Variants in TAFA1 observed in about 807,000 individuals in gnomAD.
TAFA1 encodes the protein chemokine-like protein TAFA-1.
In TAFA1, 4 loss-of-function variants were observed where a neutral mutation model predicts 18.5. The observed-to-expected ratio is 0.22, with a 90% CI of 0.11 to 0.49. The LOEUF (loss-of-function observed/expected upper bound fraction) is 0.49, where lower values mean the gene tolerates loss of function less well. Among genes scored for constraint, TAFA1 ranks in the 20% least tolerant of loss-of-function variants. The pLI is 0.98. For synonymous variants in TAFA1, 56 were observed against 55.2 expected (o/e 1.01, Z -0.06); for missense variants, 147 against 169.0 (o/e 0.87, Z 0.72).
chr3:68,521,102 G>T (rs890314212), intron 3 of TAFA1, among the ~76,000 whole-genome samples: 1 of 152,322 alleles, frequency 6.6e-6, no homozygotes, highest in Middle Eastern at 3.4e-3. Context: ...TTCCTGAACT[G>T]TCTTTTATGA....
chr3:68,292,632 T>C (rs1044313304), intron 2 of TAFA1, among the ~76,000 whole-genome samples: 6 of 152,134 alleles, frequency 3.9e-5, no homozygotes, highest in African/African-American at 7.2e-5. Flanking sequence ...GCTCAAGTGA[T>C]CCTCCTGCCT....
intron 2 of TAFA1, among the ~76,000 whole-genome samples, chr3:68,007,752 C>A (rs978358030): frequency 5.9e-5 from 9 of 152,158 alleles, no homozygotes; most frequent in Admixed American, 3.9e-4. Context: ...CCTCCTCCCC[C>A]CATCCGTCGA....
intron 3 of TAFA1, among the ~76,000 whole-genome samples, chr3:68,515,292 A>T (rs2072904704): frequency 6.6e-6 from 1 of 152,304 alleles, no homozygotes; most frequent in Non-Finnish European, 1.5e-5. Context: ...GGTTACATTC[A>T]TTTGTTCAAG....
chr3:68,031,297 G>A (rs1704929728), intron 2 of TAFA1, among the ~76,000 whole-genome samples: 1 of 152,028 alleles, frequency 6.6e-6, no homozygotes, highest in Non-Finnish European at 1.5e-5. Flanking sequence ...ATTTCCTTAT[G>A]GGGCATCTGG....
chr3:68,324,303 A>G (rs2068742294), intron 2 of TAFA1, among the ~76,000 whole-genome samples: 1 of 152,008 alleles, frequency 6.6e-6, no homozygotes. Flanking sequence ...TTCTTTTAAA[A>G]ACCATGGCCA....
chr3:68,524,837 A>T (rs977149465), intron 3 of TAFA1, among the ~76,000 whole-genome samples: 1 of 151,760 alleles, frequency 6.6e-6, no homozygotes, highest in East Asian at 1.9e-4. Flanking sequence ...CCCCCTGCTA[A>T]TTTTTTTGTA....
intron 2 of TAFA1, among the ~76,000 whole-genome samples, chr3:68,364,676 G>A (rs535958107): frequency 6.6e-6 from 1 of 152,230 alleles, no homozygotes; most frequent in South Asian, 2.1e-4. Flanking sequence ...CTTCAATTCT[G>A]TTTTTTCATT....
intron 3 of TAFA1, among the ~76,000 whole-genome samples, chr3:68,424,933 A>G (rs2071023617): frequency 6.6e-6 from 1 of 151,976 alleles, no homozygotes; most frequent in South Asian, 2.1e-4. Flanking sequence ...TCTGTGGACT[A>G]TGATTTGTTT....
chr3:68,370,076 C>A (rs1323466018), intron 2 of TAFA1, among the ~76,000 whole-genome samples: 1 of 150,790 alleles, frequency 6.6e-6, no homozygotes, highest in East Asian at 2.0e-4. Context: ...ATCACAAGGT[C>A]AGGAGATTGA....
At chr3:68,087,880 G>A (rs1283547375) in intron 2 of TAFA1, among the ~76,000 whole-genome samples, 6 of 151,616 alleles carry the variant, frequency 4.0e-5, no homozygotes, top group Non-Finnish European at 5.9e-5. Flanking sequence ...TCTACTATAG[G>A]CATTTCTGTA....
chr3:68,005,173 G>T (rs1321706348), intron 1 of TAFA1, among the ~76,000 whole-genome samples: 3 of 152,196 alleles, frequency 2.0e-5, no homozygotes, highest in Admixed American at 6.5e-5. Flanking sequence ...TTCATTTTAG[G>T]TTTCACAGGA....
rs185266706 is a variant in TAFA1 at position 68,031,029 on chromosome 3, G to A, written c.118+24285G>A. Among the ~76,000 whole-genome samples, 7 of 152,268 alleles carry A rather than the reference G, an allele frequency of 4.6e-5. No homozygotes were observed. The East Asian group carries it at 1.2e-3, about 25-fold the overall frequency. ...ATATCATGGATTTTGAGATGATCAA[G>A]CTTCTAAAATATGTTGCTACTCTTT... On this transcript the variant is annotated intron_variant, in intron 2 of 4. Coordinates refer to ENST00000478136, the MANE Select transcript of TAFA1 (RefSeq NM_213609.4).
At chr3:68,270,272 G>C (rs970978180) in intron 2 of TAFA1, among the ~76,000 whole-genome samples, 1 of 152,102 alleles carries the variant, frequency 6.6e-6, no homozygotes, top group Non-Finnish European at 1.5e-5. Context: ...ACTCAGTGGG[G>C]TTGTGGAGGG....
intron 2 of TAFA1, among the ~76,000 whole-genome samples, chr3:68,350,596 A>G (rs2069249223): frequency 6.6e-6 from 1 of 152,166 alleles, no homozygotes; most frequent in Non-Finnish European, 1.5e-5. Flanking sequence ...TTGCTCCTAT[A>G]AAACAAGGAC....
At chr3:68,156,353 C>A (rs149555509) in intron 2 of TAFA1, among the ~76,000 whole-genome samples, 1 of 152,162 alleles carries the variant, frequency 6.6e-6, no homozygotes, top group South Asian at 2.1e-4. Flanking sequence ...TTGTAAGCAA[C>A]GCTGCCTGGT....
upstream of TAFA1, among the ~76,000 whole-genome samples, chr3:67,999,757 C>G (rs1349851317): frequency 6.6e-6 from 1 of 151,532 alleles, no homozygotes; most frequent in Non-Finnish European, 1.5e-5. Context: ...TTGCAATAGG[C>G]TAACACAGGA....
intron 2 of TAFA1, among the ~76,000 whole-genome samples, chr3:68,076,632 T>C (rs542420941): frequency 7.9e-4 from 120 of 152,388 alleles, no homozygotes; most frequent in African/African-American, 2.8e-3. Context: ...ACAAAGGACA[T>C]GAACTCATCA....
Position 68,348,293 on chromosome 3 carries a change from A to T in TAFA1, c.119-68987A>T, listed in dbSNP as rs79290300. Among the ~76,000 whole-genome samples, 3 of 152,282 alleles carry T rather than the reference A, an allele frequency of 2.0e-5. No homozygotes were observed. The East Asian group carries it at 5.8e-4, about 29-fold the overall frequency. On this transcript the variant is annotated intron_variant, in intron 2 of 4. Coordinates refer to ENST00000478136, the MANE Select transcript of TAFA1 (RefSeq NM_213609.4). ...GCAGAGCTTTGCACACAGTTAGTCT[A>T]TACTAACCAGTATTTGTATTTTTAT... is the stretch of plus-strand genomic sequence containing the variant.
At chr3:68,157,574 T>C (rs185995707) in intron 2 of TAFA1, among the ~76,000 whole-genome samples, 9 of 152,336 alleles carry the variant, frequency 5.9e-5, no homozygotes, top group Admixed American at 3.9e-4. Context: ...AATCTTATGG[T>C]CTCATCTCCC....
Sources: allele counts gnomAD v4.1 joint callset (sites outside exome capture counted in the v4.1 genomes callset), GRCh38; gene constraint gnomAD v4.1.1; transcripts MANE v1.5; gene names NCBI Gene and HGNC (gene_info 2026-07-23, HGNC 2026-07-21).